LIMCH1: variants seen among roughly 807,000 people sequenced by gnomAD.
The protein encoded by LIMCH1 is LIM and calponin homology domains-containing protein 1.
Under a neutral mutation model 176.5 loss-of-function variants are expected in LIMCH1, and 113 were observed. That is an observed-to-expected ratio of 0.64 (90% CI 0.55 to 0.75). The LOEUF (loss-of-function observed/expected upper bound fraction) is 0.75. Ranked by LOEUF, LIMCH1 falls within the 30% of genes least tolerant of loss-of-function variation. LIMCH1 has a pLI of 0.00. For synonymous variants in LIMCH1, 619 were observed against 645.9 expected (o/e 0.96, Z 0.63); for missense variants, 1,674 against 1,814.9 (o/e 0.92, Z 1.41).
chr4:41,626,211 A>G (rs568820438), intron 7 of LIMCH1, among the ~76,000 whole-genome samples: 8 of 152,124 alleles, frequency 5.3e-5, no homozygotes, highest in African/African-American at 1.9e-4. Flanking sequence ...CTGAAGAAAG[A>G]CTTCCTTACA....
At position 41,619,457 on chromosome 4, in the gene LIMCH1, G is replaced by C. The variant is rs201504061; in HGVS notation, c.458+17G>C. 1 of 1,603,748 alleles carries C rather than the reference G, an allele frequency of 6.2e-7. No individual in the cohort carries two copies. The highest frequency in any genetic ancestry group is 1.1e-5 in the South Asian group (1 of 91,034). On this transcript the variant is annotated intron_variant, in intron 6 of 31. Transcript: ENST00000503057. The stretch of plus-strand genomic sequence containing the variant: ...GCCCTTCAGGTAAGGCCTGAGCACC[G>C]CTGCCCTCTTCCTGGCTTGGGCATG...
chr4:41,513,465 G>T (rs2075178940), intron 2 of LIMCH1, among the ~76,000 whole-genome samples: 1 of 152,082 alleles, frequency 6.6e-6, no homozygotes, highest in African/African-American at 2.4e-5. Flanking sequence ...CCCCATTTGT[G>T]TATCCGGTGG....
chr4:41,439,615 A>G (rs1379818719), intron 1 of LIMCH1, among the ~76,000 whole-genome samples: 1 of 152,116 alleles, frequency 6.6e-6, no homozygotes, highest in Non-Finnish European at 1.5e-5. Flanking sequence ...AAATTTCTTA[A>G]AAAAGTGGGC....
At chr4:41,596,274 CT>C (rs1308555288) in intron 1 of LIMCH1, among the ~76,000 whole-genome samples, 1 of 151,200 alleles carries the variant, frequency 6.6e-6, no homozygotes, top group Non-Finnish European at 1.5e-5. Context: ...ACATGTACTT[CT>C]TCCACTGGCA....
At chr4:41,487,440 C>A (rs1389265225) in intron 1 of LIMCH1, among the ~76,000 whole-genome samples, 1 of 152,146 alleles carries the variant, frequency 6.6e-6, no homozygotes, top group Non-Finnish European at 1.5e-5. Context: ...CATCTTCCTG[C>A]AAACACATGG....
intron 14 of LIMCH1, among the ~76,000 whole-genome samples, chr4:41,640,087 C>G (rs1452992881): frequency 6.6e-6 from 1 of 152,186 alleles, no homozygotes; most frequent in African/African-American, 2.4e-5. Context: ...TGGTCAAACT[C>G]CAGGGCCAAG....
At position 41,598,938 on chromosome 4, in the gene LIMCH1, T is replaced by C; in HGVS notation, c.-222T>C. ...CTTCTAGGACAATATTATCTTATTC[T>C]TGAGAGGTTGTAAAGAGCTCGGCCT... On this transcript the variant is annotated 5_prime_UTR_variant, in exon 2 of 32. Coordinates refer to ENST00000503057, the MANE Select transcript of LIMCH1 (RefSeq NM_001330672.2). The C allele has an allele frequency of 7.5e-6, 12 of 1,606,944 alleles. No individual in the cohort carries two copies. The highest frequency in any genetic ancestry group is 9.4e-6 in the Non-Finnish European group (11 of 1,173,782).
At chr4:41,545,092 A>C (rs112064591) in intron 1 of LIMCH1, among the ~76,000 whole-genome samples, 1 of 152,336 alleles carries the variant, frequency 6.6e-6, no homozygotes, top group Admixed American at 6.5e-5. Context: ...GTCACTGCCA[A>C]TACAAGGGTA....
At chr4:41,594,371 G>T (rs1324613861) in intron 1 of LIMCH1, among the ~76,000 whole-genome samples, 1 of 152,184 alleles carries the variant, frequency 6.6e-6, no homozygotes, top group Non-Finnish European at 1.5e-5. Context: ...TTATAGTAAA[G>T]CAGTGTCTTG....
intron 1 of LIMCH1, among the ~76,000 whole-genome samples, chr4:41,445,594 T>C (rs1039050590): frequency 3.3e-5 from 5 of 152,258 alleles, no homozygotes; most frequent in Non-Finnish European, 7.3e-5. Context: ...TTACAATTAG[T>C]TCCTCCAATT....
intron 1 of LIMCH1, chr4:41,418,664 C>G (rs2060154321): frequency 6.6e-6 from 1 of 152,210 alleles, no homozygotes. Flanking sequence ...ACAGAACTTT[C>G]TCACACTCAC....
At chr4:41,437,659 TG>T (rs1394218290) in intron 1 of LIMCH1, among the ~76,000 whole-genome samples, 3 of 150,472 alleles carry the variant, frequency 2.0e-5, no homozygotes, top group Admixed American at 6.5e-5. Context: ...AAAAGGTTTT[TG>T]TTTTTCATTT....
intron 1 of LIMCH1, among the ~76,000 whole-genome samples, chr4:41,585,285 A>C (rs374984417): frequency 2.5e-4 from 38 of 152,350 alleles, no homozygotes; most frequent in African/African-American, 8.7e-4. Flanking sequence ...CCTCATGTAT[A>C]AGTGGAATCC....
rs76964922 is a variant in LIMCH1, at chr4:41,530,304, G to A, written c.237+5826G>A. ...GGAGGATAACAATGCAATAAATTGG[G>A]GTCCTCACTGCTTTGGGTGTCTAGC... On this transcript the variant is annotated intron_variant, in intron 3 of 26. Transcript: ENST00000313860. 6.9e-3 allele frequency among the ~76,000 whole-genome samples: 1,052 copies of A among 152,194 alleles called. 8 individuals are homozygous for A. The highest frequency in any genetic ancestry group is 0.02 in the African/African-American group (821 of 41,530).
intron 1 of LIMCH1, among the ~76,000 whole-genome samples, chr4:41,373,790 A>G (rs949181647): frequency 6.6e-6 from 1 of 152,120 alleles, no homozygotes. Context: ...CCCAAATCTC[A>G]TGTTGAATTG....
At chr4:41,398,317 A>G (rs1338037229) in intron 1 of LIMCH1, among the ~76,000 whole-genome samples, 1 of 152,042 alleles carries the variant, frequency 6.6e-6, no homozygotes, top group Non-Finnish European at 1.5e-5. Context: ...AGCACAGGTA[A>G]TCCTAGCAAA....
At chr4:41,376,236 G>A (rs1225847008) in intron 1 of LIMCH1, among the ~76,000 whole-genome samples, 5 of 152,084 alleles carry the variant, frequency 3.3e-5, no homozygotes, top group African/African-American at 1.2e-4. Flanking sequence ...AGAGTGTTTA[G>A]GTATGGTGTC....
chr4:41,448,180 CTT>C (rs946642868), intron 1 of LIMCH1, among the ~76,000 whole-genome samples: 4 of 152,330 alleles, frequency 2.6e-5, no homozygotes, highest in Admixed American at 2.6e-4. Flanking sequence ...ATTGCTCTCT[CTT>C]GTGTGTCTAC....
intron 1 of LIMCH1, among the ~76,000 whole-genome samples, chr4:41,428,129 G>A (rs2061283849): frequency 6.6e-6 from 1 of 152,194 alleles, no homozygotes; most frequent in Admixed American, 6.5e-5. Flanking sequence ...AAGGAGGGGT[G>A]TCGACTTTCT....
Sources: gnomAD v4.1 joint callset for allele counts (sites outside exome capture counted in the v4.1 genomes callset) on GRCh38, gnomAD v4.1.1 for gene constraint, MANE v1.5 for transcripts, NCBI Gene and HGNC (gene_info 2026-07-23, HGNC 2026-07-21) for gene names.